The following EIF2A variants were observed in gnomAD, a reference collection of about 807,000 sequenced individuals.
EIF2A encodes eukaryotic translation initiation factor 2A.
In EIF2A, 62 loss-of-function variants were observed where a neutral mutation model predicts 75.2. The ratio of observed to expected loss-of-function variants is 0.82; its 90% CI spans 0.67 to 1.02. The LOEUF is 1.02. EIF2A is among the 50% of genes least tolerant of loss of function. The pLI is 0.00. For missense variants in EIF2A, 611 were observed against 677.7 expected, an observed-to-expected ratio of 0.90 and a Z score of 1.09; for synonymous variants, 207 against 239.0, an observed-to-expected ratio of 0.87 and a Z score of 1.23.
At chr3:150,572,906 CTGGTCT>C (rs1724626906) in intron 10 of EIF2A, among the ~76,000 whole-genome samples, 2 of 150,704 alleles carry the variant, frequency 1.3e-5, no homozygotes, top group Non-Finnish European at 3.0e-5. Context: ...AAACGTATGA[CTGGTCT>C]GAAACTTCTT....
At chr3:150,560,877 T>C (rs370786835) in intron 3 of EIF2A, among the ~76,000 whole-genome samples, 62 of 152,224 alleles carry the variant, frequency 4.1e-4, no homozygotes, top group African/African-American at 1.3e-3. Flanking sequence ...ATTTCAGCAC[T>C]TGTAAAACAG....
intron 13 of EIF2A, among the ~76,000 whole-genome samples, 173 bp from the exon 14 acceptor site, chr3:150,583,673 C>T (rs1213434543): frequency 6.6e-6 from 1 of 152,110 alleles, no homozygotes; most frequent in African/African-American, 2.4e-5. Context: ...CTGTTCTTTT[C>T]ACCCTCGATT....
intron 11 of EIF2A, among the ~76,000 whole-genome samples, chr3:150,577,202 G>A (rs1340333844): frequency 2.0e-5 from 3 of 152,168 alleles, no homozygotes; most frequent in African/African-American, 7.2e-5. Flanking sequence ...TCATTCTTGA[G>A]TGTGGAATCC....
intron 1 of EIF2A, among the ~76,000 whole-genome samples, chr3:150,547,359 G>T (rs1314510335): frequency 6.6e-6 from 1 of 152,208 alleles, no homozygotes; most frequent in African/African-American, 2.4e-5. Flanking sequence ...TTGGGAGAGG[G>T]TGTAGCAGTG....
chr3:150,575,608 A>G, intron 10 of EIF2A, 41 bp from the exon 11 acceptor site: 1 of 1,498,620 alleles, frequency 6.7e-7, no homozygotes, highest in Non-Finnish European at 9.1e-7. Flanking sequence ...AGGTGTTTAC[A>G]ACATGGACTC....
At chr3:150,566,055 A>G (rs1724166574) in intron 6 of EIF2A, 1 of 152,126 alleles carries the variant, frequency 6.6e-6, no homozygotes, top group Non-Finnish European at 1.5e-5. Context: ...TCACCCTCCC[A>G]AAGTGCTGGC....
chr3:150,548,649 A>C (rs899668146), intron 1 of EIF2A, among the ~76,000 whole-genome samples: 21 of 152,246 alleles, frequency 1.4e-4, no homozygotes, highest in African/African-American at 5.1e-4. Flanking sequence ...TGTGCATACA[A>C]GAGATCTAGA....
At chr3:150,549,452 G>A (rs150634351) in intron 1 of EIF2A, among the ~76,000 whole-genome samples, 3 of 152,082 alleles carry the variant, frequency 2.0e-5, no homozygotes, top group Non-Finnish European at 2.9e-5. Context: ...GCCTGTCCTC[G>A]GGTGAGCCAC....
chr3:150,569,732 T>A (rs776247305), intron 9 of EIF2A, among the ~76,000 whole-genome samples: 29 of 152,020 alleles, frequency 1.9e-4, no homozygotes, highest in Non-Finnish European at 3.4e-4. Flanking sequence ...TGAGAATTGC[T>A]TGAACCCAGG....
At chr3:150,555,946 A>G (rs916965228) in intron 2 of EIF2A, among the ~76,000 whole-genome samples, 30 of 152,164 alleles carry the variant, frequency 2.0e-4, no homozygotes, top group African/African-American at 7.2e-4. Context: ...GAAAGGCTGT[A>G]TGGAACATTT....
intron 11 of EIF2A, among the ~76,000 whole-genome samples, chr3:150,579,645 G>A (rs1292896791): frequency 3.3e-5 from 5 of 151,850 alleles, no homozygotes; most frequent in Admixed American, 3.3e-4. Context: ...AACCCGGGAG[G>A]TGGAGGTTGC....
At chr3:150,578,489 T>C (rs1724998758) in intron 11 of EIF2A, among the ~76,000 whole-genome samples, 1 of 151,780 alleles carries the variant, frequency 6.6e-6, no homozygotes, top group African/African-American at 2.4e-5. Context: ...TTATAGCTCA[T>C]GGTAATAGTG....
Position 150,562,512 on chromosome 3 carries a change from C to T in EIF2A, c.174-30C>T, listed in dbSNP as rs764637646. ...TGTTGACTACTATAAAACAGTATTT[C>T]ATTGCTGAAATAATTTCTTTTGAAA... On this transcript the variant is annotated intron_variant, in intron 3 of 13. Coordinates refer to ENST00000460851, the MANE Select transcript of EIF2A (RefSeq NM_032025.5). 1.3e-5 allele frequency: 20 copies of T among 1,533,556 alleles called. No homozygotes were observed. In the African/African-American group the frequency reaches 2.3e-4, roughly 18 times the overall value. 95.0% of individuals were successfully genotyped at this position (1,533,556 alleles called of 1,614,324 possible).
At chr3:150,568,646 G>A (rs1724330428) in intron 9 of EIF2A, among the ~76,000 whole-genome samples, 1 of 152,182 alleles carries the variant, frequency 6.6e-6, no homozygotes, top group Non-Finnish European at 1.5e-5. Context: ...AGGCATGGTG[G>A]CTCGTGCCAG....
At chr3:150,552,165 C>G (rs1272085106) in intron 1 of EIF2A, among the ~76,000 whole-genome samples, 191 bp from the exon 2 acceptor site, 3 of 152,166 alleles carry the variant, frequency 2.0e-5, no homozygotes, top group Non-Finnish European at 4.4e-5. Context: ...ACGTATTTCT[C>G]AGCAATTATA....
chr3:150,573,012 CAT>C (rs771339951), intron 10 of EIF2A, among the ~76,000 whole-genome samples: 3 of 151,872 alleles, frequency 2.0e-5, no homozygotes, highest in Non-Finnish European at 4.4e-5. Flanking sequence ...TTGTATTTAT[CAT>C]ATTTATTTAG....
chr3:150,583,243 G>A lies in EIF2A; in HGVS notation c.1670G>A (p.Gly557Glu), dbSNP rs771059874. The change falls in exon 13 of 14, where the codon GGA (glycine) becomes GAA (glutamate). Residue 557 changes from glycine to glutamate, a missense_variant. By Grantham distance (98) the Gly-to-Glu change is moderately conservative. Coordinates refer to ENST00000460851, the MANE Select transcript of EIF2A (RefSeq NM_032025.5). ...IEQLKEQAAT[G>E]KQLEKNQLEK... Reference sequence around the variant, plus strand: ...CAACTGAAAGAACAAGCAGCAACTGGAAAACAGCTAGAAAAAAATCAGGTA... The same window carrying A: ...CAACTGAAAGAACAAGCAGCAACTGAAAAACAGCTAGAAAAAAATCAGGTA... The A allele has an allele frequency of 1.2e-5, 20 of 1,612,764 alleles. No homozygotes were observed. The highest frequency in any genetic ancestry group is 1.0e-4 in the Admixed American group (6 of 59,736).
intron 11 of EIF2A, among the ~76,000 whole-genome samples, chr3:150,580,051 C>T (rs535062278): frequency 1.3e-4 from 19 of 151,998 alleles, no homozygotes; most frequent in African/African-American, 3.6e-4. Context: ...GCCTGTGCAA[C>T]GAAGCAAGTA....
intron 4 of EIF2A, 113 bp downstream of exon 4, chr3:150,562,773 T>C (rs1228755709): frequency 1.4e-6 from 1 of 702,854 alleles, no homozygotes; most frequent in Admixed American, 2.6e-5. Context: ...TTTATGATAG[T>C]AAATAGTGTT....
Sources: gnomAD v4.1 joint callset for allele counts (sites outside exome capture counted in the v4.1 genomes callset) on GRCh38, gnomAD v4.1.1 for gene constraint, MANE v1.5 for transcripts, NCBI Gene and HGNC (gene_info 2026-07-23, HGNC 2026-07-21) for gene names.